USP24: variants seen among roughly 807,000 people sequenced by gnomAD.
USP24 encodes ubiquitin specific peptidase 24, also known as ubiquitin carboxyl-terminal hydrolase 24.
Under a neutral mutation model 361.6 loss-of-function variants are expected in USP24, and 97 were observed. The ratio of observed to expected loss-of-function variants is 0.27; its 90% CI spans 0.23 to 0.32. USP24 has a LOEUF of 0.32. USP24 is among the 10% of genes least tolerant of loss of function. The pLI, the probability that USP24 is intolerant of heterozygous loss-of-function variation, is 1.00. For synonymous variants in USP24, 1,098 were observed against 1,124.6 expected, an observed-to-expected ratio of 0.98 and a Z score of 0.47; for missense variants, 2,353 against 3,165.6, an observed-to-expected ratio of 0.74 and a Z score of 6.16.
At chr1:55,213,598 G>T (rs1644903275) in intron 1 of USP24, among the ~76,000 whole-genome samples, 1 of 152,164 alleles carries the variant, frequency 6.6e-6, no homozygotes, top group African/African-American at 2.4e-5. Flanking sequence ...CCAATAATTT[G>T]AGATCTGTGC....
At chr1:55,157,520 T>C in intron 10 of USP24, 150 bp from the exon 11 acceptor site, 1 of 516,274 alleles carries the variant, frequency 1.9e-6, no homozygotes, top group Admixed American at 3.8e-5. Flanking sequence ...CAGACTACCA[T>C]TTGTGATGTC....
intron 1 of USP24, among the ~76,000 whole-genome samples, chr1:55,213,314 T>C (rs531400588): frequency 6.6e-6 from 1 of 152,314 alleles, no homozygotes; most frequent in South Asian, 2.1e-4. Flanking sequence ...TTCCATATAC[T>C]AGTCAACGAT....
At chr1:55,159,834 T>C (rs748004312) in intron 8 of USP24, 149 bp from the exon 9 acceptor site, 1 of 644,144 alleles carries the variant, frequency 1.6e-6, no homozygotes, top group Non-Finnish European at 2.6e-6. Flanking sequence ...TAGCTAATAC[T>C]GCCAAATAAA....
chr1:55,199,976 T>C (rs1233423687), intron 1 of USP24, among the ~76,000 whole-genome samples: 2 of 152,136 alleles, frequency 1.3e-5, no homozygotes, highest in Admixed American at 6.5e-5. Flanking sequence ...ATGAGGAAGA[T>C]GCAAAAGCGG....
rs368380548 is a variant in USP24, at chr1:55,157,218, T to C, written c.1342+38A>G. ...TAATACAAAGATATATTATTTAAAT[T>C]ATGTGTTAGGTAATTTTTATTTTTG... On this transcript the variant is annotated intron_variant, in intron 11 of 67. Coordinates refer to ENST00000294383, the MANE Select transcript of USP24 (RefSeq NM_015306.3). 5.5e-6 allele frequency: 8 copies of C among 1,444,636 alleles called. No individual in the cohort carries two copies. In the African/African-American group the frequency reaches 1.2e-4, roughly 21 times the overall value. 89.5% of individuals were successfully genotyped at this position (1,444,636 alleles called of 1,614,324 possible). A position where few individuals can be genotyped will look rare whatever the true frequency, so the allele number is the denominator to read the frequency against.
chr1:55,123,439 C>CA lies in USP24; in HGVS notation c.4276+7dup, dbSNP rs772238993. 7.0e-5 allele frequency: 110 copies of CA among 1,571,744 alleles called. No individual in the cohort carries two copies. The highest frequency in any genetic ancestry group is 9.3e-5 in the Non-Finnish European group (108 of 1,158,566). ...AAGAGATTAATCACAAACAAGCCTC[C>CA]AGCATACCCAGTTGCTGGCTCCGAA... On this transcript the variant is annotated splice_region_variant and intron_variant, in intron 36 of 67. Transcript: ENST00000294383.
chr1:55,069,800 GAGA>G lies in USP24; in HGVS notation c.7801-696_7801-694del, dbSNP rs368790509. 1.0e-3 allele frequency among the ~76,000 whole-genome samples: 150 copies of G among 149,936 alleles called. 3 individuals carry two copies. The South Asian group carries it at 0.023, about 23-fold the overall frequency. On this transcript the variant is annotated intron_variant, in intron 67 of 67. Coordinates refer to ENST00000294383, the MANE Select transcript of USP24 (RefSeq NM_015306.3). ...GGCAAGGAGAATCGCTGGAACCTGG[GAGA>G]AGGAGGTAGCAGTGAGGTGAGATTG...
intron 1 of USP24, among the ~76,000 whole-genome samples, chr1:55,203,790 A>G (rs1264275772): frequency 6.6e-6 from 1 of 152,244 alleles, no homozygotes; most frequent in Non-Finnish European, 1.5e-5. Flanking sequence ...ATCTGCACAT[A>G]TATCATGAAC....
intron 12 of USP24, among the ~76,000 whole-genome samples, 199 bp downstream of exon 12, chr1:55,156,749 A>G (rs773471618): frequency 1.8e-4 from 28 of 152,192 alleles, no homozygotes; most frequent in Admixed American, 4.6e-4. Context: ...AGACTAGATC[A>G]GCAGTTTGAA....
At chr1:55,095,427 G>A (rs1334976783) in intron 50 of USP24, 31 bp from the exon 51 acceptor site, 2 of 1,555,146 alleles carry the variant, frequency 1.3e-6, no homozygotes, top group Non-Finnish European at 1.7e-6. Context: ...AAACACATCT[G>A]TAAATAAAAG....
chr1:55,071,797 C>A lies in USP24; in HGVS notation c.7800+17G>T, dbSNP rs1264800121. The stretch of plus-strand genomic sequence containing the variant: ...CAAGGCTGCCCTTTGCACACAAGGA[C>A]ATGCTGACCGTTATACCTGCTGTAG... On this transcript the variant is annotated intron_variant, in intron 67 of 67. Transcript: ENST00000294383. 1.2e-6 allele frequency: 2 copies of A among 1,603,714 alleles called. No homozygotes were observed.
At position 55,127,239 on chromosome 1, in the gene USP24, C is replaced by T. The variant is rs966438825; in HGVS notation, c.3636-1481G>A. Reference sequence around the variant, plus strand: ...CCACTCCCCCAACCCCACAACAGTCCCCAGAGTGTGATGTTCCCCTTCCTG... The same window carrying T: ...CCACTCCCCCAACCCCACAACAGTCTCCAGAGTGTGATGTTCCCCTTCCTG... On this transcript the variant is annotated intron_variant, in intron 32 of 67. Transcript: ENST00000294383. 3.2e-4 allele frequency among the ~76,000 whole-genome samples: 49 copies of T among 152,034 alleles called. 1 individual carries two copies. The highest frequency in any genetic ancestry group is 2.0e-4 in the Admixed American group (3 of 15,262).
At chr1:55,112,259 G>A (rs1218293443) in intron 38 of USP24, among the ~76,000 whole-genome samples, 10 of 152,162 alleles carry the variant, frequency 6.6e-5, no homozygotes, top group East Asian at 1.9e-4. Context: ...AGGGTTCTTC[G>A]TGTCTCTATC....
intron 41 of USP24, among the ~76,000 whole-genome samples, chr1:55,105,713 TA>T (rs1342042298): frequency 6.6e-6 from 1 of 152,170 alleles, no homozygotes; most frequent in African/African-American, 2.4e-5. Context: ...ACTACTGTAA[TA>T]AATCACAAGC....
chr1:55,198,621 A>G (rs943849288), intron 1 of USP24, among the ~76,000 whole-genome samples: 4 of 152,172 alleles, frequency 2.6e-5, no homozygotes, highest in Non-Finnish European at 5.9e-5. Context: ...ATACATGTGT[A>G]ATGCCTCCGG....
At position 55,079,594 on chromosome 1, in the gene USP24, G is replaced by C; in HGVS notation, c.7144C>G (p.His2382Asp). The C allele has an allele frequency of 6.4e-7, 1 of 1,565,074 alleles. No homozygotes were observed. The highest frequency in any genetic ancestry group is 8.6e-7 in the Non-Finnish European group (1 of 1,162,960). Residue 2382 changes from histidine to aspartate, a missense_variant, in exon 60 of 68, where the codon CAT (histidine) becomes GAT (aspartate). This residue lies in a region of USP24 where 598 missense variants were observed against 761.9 expected (regional missense o/e 0.78). Transcript: ENST00000294383. Reference protein sequence around the residue: ...IAPSSPLLPLHEEVEALLFMS... With the variant: ...IAPSSPLLPLDEEVEALLFMS... ...AACAACAAGGCTTCTACCTCCTCAT[G>C]GAGGGGCAACAGAGGGCTTGAGGGA...
Position 55,124,490 on chromosome 1 carries a change from G to A in USP24, c.4099C>T (p.Arg1367Ter). Residue 1367 changes from arginine (R) to a stop codon, truncating the protein, a stop_gained, in exon 35 of 68, where the codon CGA becomes TGA. Coordinates refer to ENST00000294383, the MANE Select transcript of USP24 (RefSeq NM_015306.3). LOFTEE classifies it high-confidence loss of function. ...ESNSLCPAGIRNRLSSSGSNC... is the reference protein window; with the variant it reads ...ESNSLCPAGI The stretch of plus-strand genomic sequence containing the variant: ...GTACCTGAACTGCTGAGTCTGTTTC[G>A]AATTCCAGCAGGACACAGGGAATTA... 2 of 1,612,480 alleles carry A rather than the reference G, an allele frequency of 1.2e-6. No homozygotes were observed. The highest frequency in any genetic ancestry group is 1.7e-6 in the Non-Finnish European group (2 of 1,179,220).
chr1:55,083,070 C>A (rs774095394), intron 58 of USP24, among the ~76,000 whole-genome samples: 1 of 152,114 alleles, frequency 6.6e-6, no homozygotes, highest in South Asian at 2.1e-4. Flanking sequence ...GACTTTGTCA[C>A]TAGTTAGTAA....
At chr1:55,069,667 A>AG (rs1355273038) in intron 67 of USP24, among the ~76,000 whole-genome samples, 1 of 151,642 alleles carries the variant, frequency 6.6e-6, no homozygotes. Flanking sequence ...GGGGGTGAGT[A>AG]GGGGGGCCCT....
Sources: allele counts gnomAD v4.1 joint callset (sites outside exome capture counted in the v4.1 genomes callset), GRCh38; gene constraint gnomAD v4.1.1; regional missense constraint gnomAD v4.1.1; transcripts MANE v1.5; gene names NCBI Gene and HGNC (gene_info 2026-07-23, HGNC 2026-07-21).